PPP2R3A: variants seen among roughly 807,000 people sequenced by gnomAD.
The protein encoded by PPP2R3A is protein phosphatase 2 regulatory subunit B''alpha.
Under a neutral mutation model 106.9 loss-of-function variants are expected in PPP2R3A, and 80 were observed. The ratio of observed to expected loss-of-function variants is 0.75; its 90% confidence interval spans 0.62 to 0.90. The LOEUF (loss-of-function observed/expected upper bound fraction) is 0.90, where lower values mean the gene tolerates loss of function less well. PPP2R3A is among the 40% of genes least tolerant of loss of function. PPP2R3A has a pLI of 0.00. For synonymous variants in PPP2R3A, 483 were observed against 468.3 expected, an observed-to-expected ratio of 1.03 and a Z score of -0.41; for missense variants, 1,386 against 1,350.4, an observed-to-expected ratio of 1.03 and a Z score of -0.41.
At chr3:136,016,840 A>G (rs772088449) in intron 2 of PPP2R3A, among the ~76,000 whole-genome samples, 17 of 152,106 alleles carry the variant, frequency 1.1e-4, no homozygotes, top group African/African-American at 3.6e-4. Flanking sequence ...GTGAGGTACT[A>G]TTCTATTCAT....
intron 6 of PPP2R3A, among the ~76,000 whole-genome samples, chr3:136,076,727 T>TCA (rs963187768): frequency 6.6e-6 from 1 of 152,190 alleles, no homozygotes; most frequent in Non-Finnish European, 1.5e-5. Context: ...GGCGGGTGGA[T>TCA]CACAAGGTCA....
chr3:136,060,715 A>G (rs1936047988), intron 5 of PPP2R3A, among the ~76,000 whole-genome samples: 1 of 152,202 alleles, frequency 6.6e-6, no homozygotes, highest in Non-Finnish European at 1.5e-5. Context: ...AGTCTCAGGT[A>G]GTTCTTTAGA....
At chr3:135,989,732 C>T (rs1021169699) in intron 1 of PPP2R3A, among the ~76,000 whole-genome samples, 11 of 152,018 alleles carry the variant, frequency 7.2e-5, no homozygotes, top group Non-Finnish European at 1.6e-4. Flanking sequence ...ACTTGCCTTA[C>T]TAGAGAGTTA....
At position 136,146,700 on chromosome 3, in the gene PPP2R3A, AGAATT is replaced by A. The variant is rs1939141066; in HGVS notation, c.*1535_*1539del. 1.3e-5 allele frequency: 2 copies of A among 152,192 alleles called. No individual in the cohort carries two copies. The highest frequency in any genetic ancestry group is 6.5e-5 in the Admixed American group (1 of 15,280). The allele number at this position is 152,192 out of a possible 1,614,324, so 9.4% of individuals were successfully genotyped here. ...GCAACTATCTAATAGTTCACACAAAAGAATTAAAAGCTTAAAAATAATTTTTAGGA... is the reference window on the plus strand; with the variant it reads ...GCAACTATCTAATAGTTCACACAAAAAAAAGCTTAAAAATAATTTTTAGGA... On this transcript the variant is annotated 3_prime_UTR_variant, in exon 14 of 14. Transcript: ENST00000264977.
intron 10 of PPP2R3A, among the ~76,000 whole-genome samples, chr3:136,097,460 T>C (rs9848926): frequency 0.2 from 30,213 of 152,198 alleles, 3,474 homozygotes; most frequent in Non-Finnish European, 0.27. Context: ...TTATGTGCTT[T>C]TGGCAAATAT....
rs150196027 is a variant in PPP2R3A, at chr3:136,102,461, C to T, written c.3103+279C>T. 6.2e-3 allele frequency among the ~76,000 whole-genome samples: 933 copies of T among 151,556 alleles called. 13 individuals are homozygous for T. The highest frequency in any genetic ancestry group is 0.021 in the African/African-American group (885 of 41,226). On this transcript the variant is annotated intron_variant, in intron 11 of 13. Coordinates refer to ENST00000264977, the MANE Select transcript of PPP2R3A (RefSeq NM_002718.5). ...TCCTGGGTTCAAGTGATTCTCCTGC[C>T]TCAGCCTCCCAAGTAGCTGGGACTA...
chr3:136,068,402 C>T (rs1339849806), intron 5 of PPP2R3A, among the ~76,000 whole-genome samples: 1 of 152,168 alleles, frequency 6.6e-6, no homozygotes, highest in Non-Finnish European at 1.5e-5. Flanking sequence ...CCTGTAATCC[C>T]AGCTACTCGG....
At chr3:135,990,848 C>A (rs1334543183) in intron 1 of PPP2R3A, among the ~76,000 whole-genome samples, 2 of 151,900 alleles carry the variant, frequency 1.3e-5, no homozygotes, top group African/African-American at 2.4e-5. Context: ...GAGTAATATC[C>A]CACAATGCAC....
At chr3:136,128,807 TAACA>T (rs1333104397) in intron 13 of PPP2R3A, among the ~76,000 whole-genome samples, 1 of 152,088 alleles carries the variant, frequency 6.6e-6, no homozygotes, top group Non-Finnish European at 1.5e-5. Flanking sequence ...ACAGAAATTA[TAACA>T]AACTGTCTCT....
chr3:135,980,049 ACT>A (rs1296484405), intron 1 of PPP2R3A, among the ~76,000 whole-genome samples: 1 of 151,658 alleles, frequency 6.6e-6, no homozygotes, highest in Non-Finnish European at 1.5e-5. Flanking sequence ...TATTATGTCT[ACT>A]CTGTTTTCTT....
At chr3:136,125,723 A>G (rs1043050749) in intron 13 of PPP2R3A, among the ~76,000 whole-genome samples, 1 of 152,126 alleles carries the variant, frequency 6.6e-6, no homozygotes, top group Non-Finnish European at 1.5e-5. Flanking sequence ...CCCTATGAAC[A>G]TCAATATAAA....
At chr3:136,023,281 G>A in intron 2 of PPP2R3A, 1 of 1,234,544 alleles carries the variant, frequency 8.1e-7, no homozygotes, top group Non-Finnish European at 1.1e-6. Flanking sequence ...ACCATCCAGT[G>A]AACTAACTCA....
rs1463964258 is a variant in PPP2R3A, at chr3:136,003,151, T to C, written c.1653T>C (p.Leu551=). ...NSHSQLTGQT[L]VDLEPKSKVS... The stretch of plus-strand genomic sequence containing the variant: ...ACAGTCAGTTGACCGGTCAGACCCT[T>C]GTAGATCTTGAGCCTAAATCTAAAG... The change falls in exon 2 of 14, where the codon CTT becomes CTC. Residue 551 remains leucine (L), a synonymous_variant. Transcript: ENST00000264977. The C allele has an allele frequency of 1.9e-6, 3 of 1,613,850 alleles. No homozygotes were observed. The South Asian group carries it at 3.3e-5, about 18-fold the overall frequency.
At chr3:136,006,824 A>G (rs898908460) in intron 2 of PPP2R3A, among the ~76,000 whole-genome samples, 8 of 152,250 alleles carry the variant, frequency 5.3e-5, no homozygotes, top group Non-Finnish European at 1.0e-4. Context: ...TAAGCTCTGT[A>G]ATAGTTTTAT....
chr3:136,119,700 C>T (rs1937917328), intron 13 of PPP2R3A, among the ~76,000 whole-genome samples: 1 of 152,146 alleles, frequency 6.6e-6, no homozygotes, highest in African/African-American at 2.4e-5. Context: ...ATTAAAAAGT[C>T]AGGAAACAAC....
In PPP2R3A at chr3:136,006,736, C is replaced by T. The variant is rs185096433; in HGVS notation, c.1995+3243C>T. 5.9e-5 allele frequency among the ~76,000 whole-genome samples: 9 copies of T among 152,334 alleles called. No homozygotes were observed. In the East Asian group the frequency reaches 1.5e-3, roughly 26 times the overall value. On this transcript the variant is annotated intron_variant, in intron 2 of 13. Coordinates refer to ENST00000264977, the MANE Select transcript of PPP2R3A (RefSeq NM_002718.5). ...CATTTTACTGTTTGCTTCAAATCTTCTCCAAATACCTTTTGTCCCAGGGGA... is the reference window on the plus strand; with the variant it reads ...CATTTTACTGTTTGCTTCAAATCTTTTCCAAATACCTTTTGTCCCAGGGGA...
chr3:136,139,579 A>G (rs1007417543), intron 13 of PPP2R3A, among the ~76,000 whole-genome samples: 3 of 151,564 alleles, frequency 2.0e-5, no homozygotes, highest in Non-Finnish European at 4.4e-5. Flanking sequence ...TGTAATCCCA[A>G]CTACTCACGT....
chr3:136,022,055 C>A (rs915020333), intron 2 of PPP2R3A, among the ~76,000 whole-genome samples: 1 of 151,922 alleles, frequency 6.6e-6, no homozygotes, highest in East Asian at 1.9e-4. Flanking sequence ...GATTCACTTA[C>A]AAATAACTAT....
At chr3:136,102,342 CTT>C (rs397874378) in intron 11 of PPP2R3A, among the ~76,000 whole-genome samples, 160 bp downstream of exon 11, 42 of 115,994 alleles carry the variant, frequency 3.6e-4, no homozygotes, top group African/African-American at 4.4e-4. Flanking sequence ...AGTGTAGCAA[CTT>C]TTTTTTTTTT....
Sources: gnomAD v4.1 joint callset for allele counts (sites outside exome capture counted in the v4.1 genomes callset) on GRCh38, gnomAD v4.1.1 for gene constraint, MANE v1.5 for transcripts, NCBI Gene and HGNC (gene_info 2026-07-23, HGNC 2026-07-21) for gene names.